TSPAN5: variants seen among roughly 807,000 people sequenced by gnomAD.
TSPAN5 encodes tetraspanin-5.
A neutral mutation model predicts 37.1 loss-of-function variants in TSPAN5; 10 were observed. The ratio of observed to expected loss-of-function variants is 0.27; its 90% CI spans 0.17 to 0.46. The LOEUF (loss-of-function observed/expected upper bound fraction) is 0.46, where lower values mean the gene tolerates loss of function less well. Among genes scored for constraint, TSPAN5 ranks in the 20% least tolerant of loss-of-function variants. The probability of loss-of-function intolerance (pLI) is 1.00; values close to 1 mark genes in which losing one functional copy is unlikely to be tolerated. For missense variants in TSPAN5, 195 were observed against 326.6 expected (o/e 0.60, Z 3.11); for synonymous variants, 110 against 118.9 (o/e 0.93, Z 0.48).
At chr4:98,498,501 C>G (rs1312310561) in intron 2 of TSPAN5, among the ~76,000 whole-genome samples, 1 of 152,164 alleles carries the variant, frequency 6.6e-6, no homozygotes, top group African/African-American at 2.4e-5. Flanking sequence ...GACCTCCCAA[C>G]CACACCCCAC....
chr4:98,535,398 T>A (rs1295373563), intron 1 of TSPAN5, among the ~76,000 whole-genome samples: 1 of 152,216 alleles, frequency 6.6e-6, no homozygotes, highest in African/African-American at 2.4e-5. Flanking sequence ...TGCAGAGAGA[T>A]CCACTGTTAG....
chr4:98,576,944 A>G (rs1755252288), intron 1 of TSPAN5, among the ~76,000 whole-genome samples: 1 of 152,074 alleles, frequency 6.6e-6, no homozygotes, highest in Admixed American at 6.5e-5. Flanking sequence ...TATTTTTAGT[A>G]GAAATGGGGT....
intron 2 of TSPAN5, among the ~76,000 whole-genome samples, chr4:98,504,868 T>C (rs1753438916): frequency 6.6e-6 from 1 of 152,140 alleles, no homozygotes; most frequent in South Asian, 2.1e-4. Flanking sequence ...GATCATAAAC[T>C]GGGTGACTTA....
At chr4:98,651,997 C>T (rs544640380) in intron 1 of TSPAN5, among the ~76,000 whole-genome samples, 19 of 150,920 alleles carry the variant, frequency 1.3e-4, no homozygotes, top group Non-Finnish European at 2.4e-4. Context: ...ACTACAGGCA[C>T]GCATCACCAC....
intron 1 of TSPAN5, among the ~76,000 whole-genome samples, chr4:98,538,101 T>A (rs1259614061): frequency 6.6e-6 from 1 of 152,232 alleles, no homozygotes; most frequent in Non-Finnish European, 1.5e-5. Flanking sequence ...AATAGGGGAA[T>A]ACGTGCACAC....
intron 1 of TSPAN5, among the ~76,000 whole-genome samples, chr4:98,619,001 C>A (rs1420439638): frequency 1.3e-5 from 2 of 152,042 alleles, no homozygotes; most frequent in Non-Finnish European, 2.9e-5. Context: ...GAAAGATAAT[C>A]TTTTTCTAAA....
intron 1 of TSPAN5, among the ~76,000 whole-genome samples, chr4:98,619,829 T>C (rs1042992910): frequency 3.9e-5 from 6 of 152,162 alleles, no homozygotes; most frequent in Non-Finnish European, 7.4e-5. Flanking sequence ...GAGGCTCATC[T>C]CTGCTTTTCA....
intron 1 of TSPAN5, among the ~76,000 whole-genome samples, chr4:98,646,884 C>A (rs1425872410): frequency 6.6e-6 from 1 of 152,146 alleles, no homozygotes; most frequent in Non-Finnish European, 1.5e-5. Context: ...GCAGTTTACA[C>A]ATATTAACTC....
rs575227705 is a variant in TSPAN5, at chr4:98,645,678, G to A, written c.81+12468C>T. Among the ~76,000 whole-genome samples the A allele has an allele frequency of 3.3e-4, 51 of 152,252 alleles. 1 individual carries two copies. Among genetic ancestry groups the A allele is most frequent in the African/African-American group, 1.2e-3 (49 of 41,558 alleles). ...GCTGGCGACCTAACTCCTGATCCTCGCTGAAATCAGCTAGTGGAGGTCAGG... is the reference window on the plus strand; with the variant it reads ...GCTGGCGACCTAACTCCTGATCCTCACTGAAATCAGCTAGTGGAGGTCAGG... On this transcript the variant is annotated intron_variant, in intron 1 of 7. Coordinates refer to ENST00000305798, the MANE Select transcript of TSPAN5 (RefSeq NM_005723.4).
At chr4:98,552,183 T>C (rs1274993465) in intron 1 of TSPAN5, among the ~76,000 whole-genome samples, 1 of 152,186 alleles carries the variant, frequency 6.6e-6, no homozygotes, top group Non-Finnish European at 1.5e-5. Context: ...CTTTGTATTG[T>C]TTTTTGGTCT....
At chr4:98,573,868 A>G (rs1755178031) in intron 1 of TSPAN5, among the ~76,000 whole-genome samples, 1 of 152,226 alleles carries the variant, frequency 6.6e-6, no homozygotes, top group Admixed American at 6.5e-5. Context: ...TAGGTAACTC[A>G]GGAATGTTAG....
chr4:98,568,070 C>T (rs761420561), intron 1 of TSPAN5, among the ~76,000 whole-genome samples: 3 of 152,148 alleles, frequency 2.0e-5, no homozygotes, highest in African/African-American at 4.8e-5. Context: ...ACATCACCTA[C>T]GCAGAATCTT....
At chr4:98,500,847 T>C (rs867616159) in intron 2 of TSPAN5, among the ~76,000 whole-genome samples, 2 of 151,876 alleles carry the variant, frequency 1.3e-5, no homozygotes, top group South Asian at 2.1e-4. Context: ...CCTCAAGGAG[T>C]TTCCAGGCCA....
At chr4:98,542,263 GT>G (rs1754376199) in intron 1 of TSPAN5, among the ~76,000 whole-genome samples, 1 of 152,194 alleles carries the variant, frequency 6.6e-6, no homozygotes, top group Non-Finnish European at 1.5e-5. Context: ...ATGGAGCTGT[GT>G]GCTTATTCCA....
At chr4:98,555,135 T>C (rs1363524297) in intron 1 of TSPAN5, among the ~76,000 whole-genome samples, 1 of 152,134 alleles carries the variant, frequency 6.6e-6, no homozygotes, top group Non-Finnish European at 1.5e-5. Flanking sequence ...ATGTCCAACT[T>C]CGTGATCTGG....
chr4:98,485,762 CTTTTTTT>C lies in TSPAN5; in HGVS notation c.279+969_279+975del, dbSNP rs766494512. On this transcript the variant is annotated intron_variant, in intron 3 of 7. Coordinates refer to ENST00000305798, the MANE Select transcript of TSPAN5 (RefSeq NM_005723.4). ...ACTATTGGGCTACTTCTTGGATATG[CTTTTTTT>C]TTTTTTTTTTTTTTTTAATGAGAAT... is the stretch of plus-strand genomic sequence containing the variant. 1.8e-3 allele frequency among the ~76,000 whole-genome samples: 158 copies of C among 86,596 alleles called. No individual in the cohort carries two copies. In the South Asian group the frequency reaches 0.023, roughly 13 times the overall value. The allele number at this position is 86,596 out of a possible 152,430, so 56.8% of individuals were successfully genotyped here. A position where few individuals can be genotyped will look rare whatever the true frequency, so the allele number is the denominator to read the frequency against.
intron 1 of TSPAN5, among the ~76,000 whole-genome samples, chr4:98,549,584 C>A (rs1303650623): frequency 6.6e-6 from 1 of 152,092 alleles, no homozygotes; most frequent in African/African-American, 2.4e-5. Context: ...CAGGTATGAG[C>A]CACTGCACCT....
chr4:98,537,263 C>T (rs1293009318), intron 1 of TSPAN5, among the ~76,000 whole-genome samples: 3 of 152,172 alleles, frequency 2.0e-5, no homozygotes, highest in South Asian at 2.1e-4. Context: ...CGACCCCTTG[C>T]GCTTCCCGGG....
At chr4:98,635,665 C>G (rs1011849585) in intron 1 of TSPAN5, among the ~76,000 whole-genome samples, 1 of 152,174 alleles carries the variant, frequency 6.6e-6, no homozygotes, top group Non-Finnish European at 1.5e-5. Flanking sequence ...AAAGAGACTA[C>G]AGCAAAACAG....
Sources: gnomAD v4.1 joint callset for allele counts (sites outside exome capture counted in the v4.1 genomes callset) on GRCh38, gnomAD v4.1.1 for gene constraint, MANE v1.5 for transcripts, NCBI Gene and HGNC (gene_info 2026-07-23, HGNC 2026-07-21) for gene names.